Variants in BAZ1B observed in about 807,000 individuals in gnomAD.
BAZ1B encodes the protein tyrosine-protein kinase BAZ1B.
Under a neutral mutation model 153.8 loss-of-function variants are expected in BAZ1B, and 22 were observed. The observed-to-expected ratio is 0.14, with a 90% CI of 0.10 to 0.20. The LOEUF (loss-of-function observed/expected upper bound fraction) is 0.20. BAZ1B is among the 10% of genes least tolerant of loss of function. BAZ1B has a pLI of 1.00. For synonymous variants in BAZ1B, 676 were observed against 633.4 expected (o/e 1.07, Z -1.01); for missense variants, 1,325 against 1,799.3 (o/e 0.74, Z 4.77).
chr7:73,447,851 A>G (rs2116229268), intron 15 of BAZ1B, among the ~76,000 whole-genome samples: 1 of 152,356 alleles, frequency 6.6e-6, no homozygotes, highest in South Asian at 2.1e-4. Context: ...GCAGATGACC[A>G]TAATATCAAA....
chr7:73,482,789 A>G (rs1209214896), intron 6 of BAZ1B, among the ~76,000 whole-genome samples: 1 of 152,176 alleles, frequency 6.6e-6, no homozygotes, highest in African/African-American at 2.4e-5. Flanking sequence ...GCCAAGCCAC[A>G]CCATGTTTTT....
intron 2 of BAZ1B, 39 bp downstream of exon 2, chr7:73,510,697 G>A: frequency 6.4e-7 from 1 of 1,555,636 alleles, no homozygotes; most frequent in African/African-American, 1.4e-5. Context: ...TCCTAACAAT[G>A]TGAAGATGGT....
chr7:73,508,299 G>A (rs782247083), intron 3 of BAZ1B, 28 bp downstream of exon 3: 2 of 1,606,436 alleles, frequency 1.2e-6, no homozygotes, highest in East Asian at 2.2e-5. Context: ...CTGATGGTAA[G>A]TCAAATCAGA....
intron 4 of BAZ1B, among the ~76,000 whole-genome samples, chr7:73,493,543 G>A (rs1583932206): frequency 2.0e-5 from 3 of 151,672 alleles, no homozygotes; most frequent in African/African-American, 7.3e-5. Flanking sequence ...AGAAAGATGA[G>A]TAAGAATATG....
chr7:73,442,879 A>G lies in BAZ1B; in HGVS notation c.3991-51T>C, dbSNP rs782783122. ...ATTACAGATTCAAGACAGGAGGAAG[A>G]ATGGACAGGGCAGAAAATAAGTGTA... On this transcript the variant is annotated intron_variant, in intron 17 of 19. Transcript: ENST00000339594. 27 of 1,380,566 alleles carry G rather than the reference A, an allele frequency of 2.0e-5. No individual in the cohort carries two copies. In the Middle Eastern group the frequency reaches 8.9e-4, roughly 45 times the overall value. The allele number at this position is 1,380,566 out of a possible 1,614,324, so 85.5% of individuals were successfully genotyped here.
At chr7:73,479,652 T>C (rs1789125742) in intron 6 of BAZ1B, among the ~76,000 whole-genome samples, 2 of 152,114 alleles carry the variant, frequency 1.3e-5, no homozygotes, top group Admixed American at 1.3e-4. Flanking sequence ...CTTAAATCCA[T>C]TAATTCTATT....
intron 13 of BAZ1B, among the ~76,000 whole-genome samples, chr7:73,457,698 G>A (rs1474036789): frequency 9.9e-5 from 15 of 152,080 alleles, no homozygotes; most frequent in African/African-American, 3.1e-4. Flanking sequence ...TGAGGCTTTC[G>A]GTGAGACCTC....
intron 17 of BAZ1B, among the ~76,000 whole-genome samples, chr7:73,443,238 C>T (rs1049546453): frequency 6.6e-6 from 1 of 152,200 alleles, no homozygotes; most frequent in South Asian, 2.1e-4. Flanking sequence ...TCTGGGCCAA[C>T]AGCAGCCAAT....
At chr7:73,445,975 C>T (rs1361476600) in intron 16 of BAZ1B, among the ~76,000 whole-genome samples, 1 of 152,176 alleles carries the variant, frequency 6.6e-6, no homozygotes, top group Non-Finnish European at 1.5e-5. Flanking sequence ...TGTTCACTTA[C>T]CCTAGGATAC....
intron 4 of BAZ1B, among the ~76,000 whole-genome samples, chr7:73,495,810 G>T (rs1457510046): frequency 1.3e-5 from 2 of 152,152 alleles, no homozygotes; most frequent in African/African-American, 4.8e-5. Flanking sequence ...GTTCTCACTT[G>T]TAAGTGGGAG....
intron 3 of BAZ1B, chr7:73,507,266 G>A (rs1455823312): frequency 6.6e-6 from 1 of 152,060 alleles, no homozygotes; most frequent in Non-Finnish European, 1.5e-5. Flanking sequence ...GATTAGCATG[G>A]TCATTGCATG....
chr7:73,499,238 G>A (rs1554576787), intron 3 of BAZ1B, among the ~76,000 whole-genome samples: 2 of 152,092 alleles, frequency 1.3e-5, no homozygotes, highest in Non-Finnish European at 1.5e-5. Context: ...ATGTTTGCCA[G>A]GCTGATCTCA....
intron 13 of BAZ1B, among the ~76,000 whole-genome samples, chr7:73,454,419 A>C (rs782194032): frequency 1.5e-4 from 23 of 152,230 alleles, no homozygotes; most frequent in Non-Finnish European, 1.3e-4. Flanking sequence ...ATCTTTATCT[A>C]AACTGAATTT....
At chr7:73,521,552 G>C (rs1791043157) in intron 1 of BAZ1B, among the ~76,000 whole-genome samples, 1 of 152,106 alleles carries the variant, frequency 6.6e-6, no homozygotes, top group Admixed American at 6.5e-5. Context: ...TGGGGGATGC[G>C]CTCCTCGCCG....
chr7:73,451,066 G>T lies in BAZ1B; in HGVS notation c.3433-72C>A, dbSNP rs868984815. 25 of 1,551,428 alleles carry T rather than the reference G, an allele frequency of 1.6e-5. No individual in the cohort carries two copies. In the Middle Eastern group the frequency reaches 6.8e-4, roughly 42 times the overall value. Reference sequence around the variant, plus strand: ...CACTGAGAGAGAACTAGGAACAGGGGACAGTATGAGAGAATTCTGAGGACA... The same window carrying T: ...CACTGAGAGAGAACTAGGAACAGGGTACAGTATGAGAGAATTCTGAGGACA... On this transcript the variant is annotated intron_variant, in intron 13 of 19. Coordinates refer to ENST00000339594, the MANE Select transcript of BAZ1B (RefSeq NM_032408.4).
At chr7:73,460,974 TTTG>T (rs549905510) in intron 12 of BAZ1B, among the ~76,000 whole-genome samples, 150 of 152,108 alleles carry the variant, frequency 9.9e-4, no homozygotes, top group South Asian at 8.9e-3. Flanking sequence ...TTTTTGGTTT[TTTG>T]TTGTTGTTGT....
In BAZ1B at chr7:73,459,661, T is replaced by C. The variant is rs782788599; in HGVS notation, c.3307A>G (p.Ser1103Gly). Reference protein sequence around the residue: ...FGECVIALQASVIKKFLQGFM... With the variant: ...FGECVIALQAGVIKKFLQGFM... ...CCTTGGAGAAATTTCTTTATGACAC[T>C]GGCCTGAAGGGCAATCACACACTCA... Residue 1103 changes from serine to glycine, a missense_variant, in exon 13 of 20, where the codon AGT becomes GGT. By Grantham distance (56) the Ser-to-Gly change is moderately conservative. Transcript: ENST00000339594. 6.2e-7 allele frequency: 1 copy of C among 1,614,070 alleles called. No homozygotes were observed. Among genetic ancestry groups the C allele is most frequent in the South Asian group, 1.1e-5 (1 of 91,076 alleles).
intron 4 of BAZ1B, among the ~76,000 whole-genome samples, chr7:73,494,532 C>T (rs1297583884): frequency 2.0e-5 from 3 of 152,116 alleles, no homozygotes; most frequent in African/African-American, 7.2e-5. Context: ...ACTGCTTGAG[C>T]CCAGGAGTTT....
chr7:73,516,774 A>C (rs1225445421), intron 1 of BAZ1B, among the ~76,000 whole-genome samples: 1 of 11,526 alleles, frequency 8.7e-5, no homozygotes, highest in African/African-American at 5.9e-4. Context: ...GACTGTCTCA[A>C]AAAAAAAAAA....
Sources: gnomAD v4.1 joint callset for allele counts (sites outside exome capture counted in the v4.1 genomes callset) on GRCh38, gnomAD v4.1.1 for gene constraint, MANE v1.5 for transcripts, NCBI Gene and HGNC (gene_info 2026-07-23, HGNC 2026-07-21) for gene names.